The following GALNTL5 variants were observed in gnomAD, a reference collection of about 807,000 sequenced individuals.
GALNTL5 encodes inactive polypeptide N-acetylgalactosaminyltransferase-like protein 5.
Under a neutral mutation model 51.0 loss-of-function variants are expected in GALNTL5, and 44 were observed. That is an observed-to-expected ratio of 0.86 (90% CI 0.68 to 1.11). The LOEUF (loss-of-function observed/expected upper bound fraction) is 1.11. Among genes scored for constraint, GALNTL5 ranks in the 50% least tolerant of loss-of-function variants. The pLI, the probability that GALNTL5 is intolerant of heterozygous loss-of-function variation, is 0.00. For missense variants in GALNTL5, 528 were observed against 531.8 expected, an observed-to-expected ratio of 0.99 and a Z score of 0.07; for synonymous variants, 192 against 182.8, an observed-to-expected ratio of 1.05 and a Z score of -0.41.
intron 6 of GALNTL5, among the ~76,000 whole-genome samples, chr7:152,003,970 T>C (rs570947317): frequency 1.1e-3 from 162 of 152,294 alleles, no homozygotes; most frequent in African/African-American, 3.8e-3. Context: ...ATCATTCTTT[T>C]TGAAAACAAT....
intron 6 of GALNTL5, among the ~76,000 whole-genome samples, chr7:152,004,804 T>C (rs777201661): frequency 2.0e-5 from 3 of 152,242 alleles, no homozygotes; most frequent in Non-Finnish European, 4.4e-5. Flanking sequence ...TATGGCTGAA[T>C]AGTATTCCAT....
intron 5 of GALNTL5, among the ~76,000 whole-genome samples, chr7:151,990,570 G>A (rs1221925059): frequency 2.5e-3 from 1 of 398 alleles, no homozygotes. Context: ...GACAGAGCGA[G>A]ACTCCATCTC....
At chr7:152,018,511 T>C (rs189738666) in intron 8 of GALNTL5, among the ~76,000 whole-genome samples, 7 of 152,352 alleles carry the variant, frequency 4.6e-5, no homozygotes, top group Middle Eastern at 3.4e-3. Context: ...GAATTGAACA[T>C]AGCTATTTCT....
intron 1 of GALNTL5, among the ~76,000 whole-genome samples, chr7:151,966,151 T>C (rs6967797): frequency 0.073 from 11,124 of 152,244 alleles, 532 homozygotes; most frequent in East Asian, 0.2. Context: ...TTTACAGCAG[T>C]AGTACACATA....
chr7:151,999,114 A>G, intron 5 of GALNTL5, among the ~76,000 whole-genome samples: 1 of 152,338 alleles, frequency 6.6e-6, no homozygotes, highest in East Asian at 1.9e-4. Flanking sequence ...TTTCATATCA[A>G]CGGAATCATA....
intron 1 of GALNTL5, 46 bp from the exon 2 acceptor site, chr7:151,967,162 C>A: frequency 7.9e-7 from 1 of 1,264,968 alleles, no homozygotes. Flanking sequence ...GATCTACAAA[C>A]CATTGGAATA....
At chr7:151,958,111 T>C (rs570672213) in intron 1 of GALNTL5, among the ~76,000 whole-genome samples, 6 of 152,376 alleles carry the variant, frequency 3.9e-5, no homozygotes, top group East Asian at 3.9e-4. Flanking sequence ...GTAATAATCC[T>C]ATTGAGACAG....
At chr7:151,967,840 T>C (rs2081079319) in intron 2 of GALNTL5, among the ~76,000 whole-genome samples, 1 of 152,184 alleles carries the variant, frequency 6.6e-6, no homozygotes, top group Non-Finnish European at 1.5e-5. Flanking sequence ...GTCTTTCTCA[T>C]GTATGTCTTT....
At chr7:151,970,914 C>T (rs533520876) in intron 2 of GALNTL5, 31 bp from the exon 3 acceptor site, 2 of 1,560,186 alleles carry the variant, frequency 1.3e-6, no homozygotes, top group Non-Finnish European at 1.7e-6. Context: ...TAAGCCTTTA[C>T]TTATATGATT....
intron 5 of GALNTL5, among the ~76,000 whole-genome samples, chr7:151,999,396 A>T (rs188923142): frequency 1.3e-3 from 202 of 152,308 alleles, no homozygotes; most frequent in African/African-American, 4.5e-3. Context: ...GCTGGGTCTT[A>T]TGGTAATTCC....
intron 5 of GALNTL5, 95 bp downstream of exon 5, chr7:151,987,376 T>C: frequency 2.8e-6 from 3 of 1,079,980 alleles, no homozygotes; most frequent in Non-Finnish European, 3.9e-6. Context: ...TCTATGTCTG[T>C]GTCTGCTTCA....
intron 7 of GALNTL5, among the ~76,000 whole-genome samples, chr7:152,009,189 CCTTGT>C (rs765089340): frequency 5.3e-4 from 81 of 152,256 alleles, no homozygotes; most frequent in Non-Finnish European, 9.7e-4. Context: ...CGACAAGTAA[CCTTGT>C]CTTTCCTGAG....
In GALNTL5 at chr7:152,019,912, T is replaced by TA; in HGVS notation, c.*118dup. ...ATCGTGGAATTACGTGAAATGCAAT[T>TA]AAAAAAATATGACCAGACGTGAGTG... On this transcript the variant is annotated 3_prime_UTR_variant, in exon 9 of 9. Transcript: ENST00000392800. The TA allele has an allele frequency of 3.3e-6, 3 of 908,492 alleles. No individual in the cohort carries two copies. Among genetic ancestry groups the TA allele is most frequent in the Non-Finnish European group, 5.0e-6 (3 of 605,960 alleles). The allele number at this position is 908,492 out of a possible 1,614,324, so 56.3% of individuals were successfully genotyped here.
At chr7:151,973,327 T>C (rs1396330499) in intron 3 of GALNTL5, among the ~76,000 whole-genome samples, 1 of 150,278 alleles carries the variant, frequency 6.7e-6, no homozygotes, top group Non-Finnish European at 1.5e-5. Context: ...TAGCCAGGCA[T>C]GGTGATGCGT....
rs768729711 is a variant in GALNTL5, at chr7:152,002,797, C to A, written c.742C>A (p.Pro248Thr). ...EPLLHAIAKD[P>T]KMVVCPLIDV... The stretch of plus-strand genomic sequence containing the variant: ...CCTGCTGCATGCCATTGCCAAGGAC[C>A]CCAAAATGGTGGTGTGCCCCCTGAT... Residue 248 changes from proline (P) to threonine (T), a missense_variant, in exon 6 of 9, where the codon CCC (proline) becomes ACC (threonine). Transcript: ENST00000392800. 2 of 1,613,952 alleles carry A rather than the reference C, an allele frequency of 1.2e-6. No homozygotes were observed. Among genetic ancestry groups the A allele is most frequent in the African/African-American group, 2.7e-5 (2 of 74,884 alleles).
At chr7:151,972,179 A>G (rs2081152795) in intron 3 of GALNTL5, among the ~76,000 whole-genome samples, 1 of 152,206 alleles carries the variant, frequency 6.6e-6, no homozygotes. Flanking sequence ...GCTTTGGTAA[A>G]AATGCTGATA....
intron 2 of GALNTL5, among the ~76,000 whole-genome samples, chr7:151,970,162 C>T (rs1244572052): frequency 2.0e-5 from 3 of 150,254 alleles, no homozygotes; most frequent in Non-Finnish European, 4.4e-5. Context: ...GGGGCCCCCA[C>T]CAATAGACGC....
chr7:151,983,074 A>G lies in GALNTL5; in HGVS notation c.457A>G (p.Thr153Ala), dbSNP rs897215657. The change falls in exon 4 of 9, where the codon ACC (threonine) becomes GCC (alanine). Residue 153 changes from threonine (T) to alanine (A), a missense_variant. Thr to Ala is a moderately conservative substitution (Grantham distance 58). Coordinates refer to ENST00000392800, the MANE Select transcript of GALNTL5 (RefSeq NM_145292.4). ...TGAAGAATGTAATGCCTTGTTTCAG[A>G]CCATGTCCAGTGTCACGAACCTCAC... ...YNEECNALFQTMSSVTNLTPH... is the reference protein window; with the variant it reads ...YNEECNALFQAMSSVTNLTPH... The G allele has an allele frequency of 2.5e-6, 4 of 1,614,194 alleles. No homozygotes were observed. Among genetic ancestry groups the G allele is most frequent in the Non-Finnish European group, 3.4e-6 (4 of 1,180,034 alleles).
intron 5 of GALNTL5, among the ~76,000 whole-genome samples, chr7:151,995,721 CA>C (rs1229620463): frequency 1.3e-5 from 2 of 151,282 alleles, no homozygotes; most frequent in Non-Finnish European, 2.9e-5. Context: ...GCAATTAGGA[CA>C]AATAAATAAT....
Sources: gnomAD v4.1 joint callset for allele counts (sites outside exome capture counted in the v4.1 genomes callset) on GRCh38, gnomAD v4.1.1 for gene constraint, MANE v1.5 for transcripts, NCBI Gene and HGNC (gene_info 2026-07-23, HGNC 2026-07-21) for gene names.